Variants in PNMA8A observed in about 807,000 individuals in gnomAD.
PNMA8A encodes paraneoplastic antigen-like protein 8A.
PNMA8A carries 17 observed loss-of-function variants against 26.6 expected under a neutral mutation model. That is an observed-to-expected ratio of 0.64 (90% CI 0.44 to 0.96). PNMA8A has a LOEUF of 0.96. Ranked by LOEUF, PNMA8A falls within the 40% of genes least tolerant of loss-of-function variation. The pLI is 0.00. For synonymous variants in PNMA8A, 224 were observed against 182.0 expected, an observed-to-expected ratio of 1.23 and a Z score of -1.86; for missense variants, 532 against 488.4, an observed-to-expected ratio of 1.09 and a Z score of -0.84.
rs140780731 is a variant in PNMA8A at position 46,468,718 on chromosome 19, C to T, written c.1304-141G>A. 92 of 670,546 alleles carry T rather than the reference C, an allele frequency of 1.4e-4. No individual in the cohort carries two copies. The East Asian group carries it at 2.3e-3, about 17-fold the overall frequency. 41.5% of individuals were successfully genotyped at this position (670,546 alleles called of 1,614,324 possible). On this transcript the variant is annotated intron_variant, in intron 2 of 2. Coordinates refer to ENST00000313683, the MANE Select transcript of PNMA8A (RefSeq NM_018215.4). ...CTAGAAAACTTCACCCTTAAAGCCA[C>T]ATACCCTGCAAACACCATAACTCCA...
At position 46,470,621 on chromosome 19, in the gene PNMA8A, G is replaced by A; in HGVS notation, c.415C>T (p.Gln139Ter). The A allele has an allele frequency of 6.2e-7, 1 of 1,606,414 alleles. No individual in the cohort carries two copies. Among genetic ancestry groups the A allele is most frequent in the Non-Finnish European group, 8.5e-7 (1 of 1,172,926 alleles). The change falls in exon 2 of 3, where the codon CAG becomes TAG. Residue 139 changes from glutamine (Q) to a stop codon, truncating the protein, a stop_gained. Coordinates refer to ENST00000313683, the MANE Select transcript of PNMA8A (RefSeq NM_018215.4). LOFTEE classifies it high-confidence loss of function. ...GCCCAGTTCTCTGGGGGCTGATGCT[G>A]GTTCTGGGACAGGGTGGGGTGGTTG... Reference protein sequence around the residue: ...QLNHPTLSQNQHQPPENWAEA... With the variant: ...QLNHPTLSQN
At chr19:46,469,631 C>T in intron 2 of PNMA8A, 102 bp downstream of exon 2, 1 of 1,328,384 alleles carries the variant, frequency 7.5e-7, no homozygotes, top group East Asian at 2.5e-5. Flanking sequence ...ACCCGCTTGA[C>T]CCACCACCTC....
Position 46,470,239 on chromosome 19 carries a change from T to G in PNMA8A, c.797A>C (p.Asn266Thr), listed in dbSNP as rs138279667. The change falls in exon 2 of 3, where the codon AAC (asparagine) becomes ACC (threonine). Residue 266 changes from asparagine (N) to threonine (T), a missense_variant. Physicochemically the swap from Asn to Thr is moderately conservative, Grantham distance 65. Transcript: ENST00000313683. ...AGGATCCTCCAAGTTAGCTGTGCTGTTGGAATTGATGCCTTTGGGTTTTTT... is the reference window on the plus strand; with the variant it reads ...AGGATCCTCCAAGTTAGCTGTGCTGGTGGAATTGATGCCTTTGGGTTTTTT... ...PWKKPKGINS[N>T]STANLEDPEV... is the part of the protein sequence containing the mutation. 4 of 1,614,018 alleles carry G rather than the reference T, an allele frequency of 2.5e-6. No homozygotes were observed. Among genetic ancestry groups the G allele is most frequent in the Admixed American group, 1.7e-5 (1 of 60,010 alleles).
Position 46,471,130 on chromosome 19 carries a change from G to A in PNMA8A, c.-79-16C>T. On this transcript the variant is annotated splice_polypyrimidine_tract_variant and intron_variant, in intron 1 of 2. Transcript: ENST00000313683. Reference sequence around the variant, plus strand: ...AACAGTAATCCTGCAAGGTGACAAGGGAGCGAGGTCACGTTCCCAGGAAGA... The same window carrying A: ...AACAGTAATCCTGCAAGGTGACAAGAGAGCGAGGTCACGTTCCCAGGAAGA... The A allele has an allele frequency of 1.6e-6, 1 of 639,502 alleles. No homozygotes were observed. The highest frequency in any genetic ancestry group is 2.8e-6 in the Non-Finnish European group (1 of 355,776). The allele number at this position is 639,502 out of a possible 1,614,324, so 39.6% of individuals were successfully genotyped here.
At position 46,470,589 on chromosome 19, in the gene PNMA8A, A is replaced by G. The variant is rs760621598; in HGVS notation, c.447T>C (p.Ala149=). ...QHQPPENWAE[A]LGVLLGAVVQ... ...CCACTGCTCCCAGAAGCACCCCCAG[A>G]GCTTCTGCCCAGTTCTCTGGGGGCT... The change falls in exon 2 of 3, where the codon GCT becomes GCC. Residue 149 remains alanine, a synonymous_variant. Transcript: ENST00000313683. 3.1e-6 allele frequency: 5 copies of G among 1,613,872 alleles called. No homozygotes were observed. The highest frequency in any genetic ancestry group is 8.5e-7 in the Non-Finnish European group (1 of 1,179,858).
Position 46,470,423 on chromosome 19 carries a change from C to A in PNMA8A, c.613G>T (p.Glu205Ter). ...KVKKEPGLAA[E>*]VGSALKAETP... ...TCTGCCTTTAAGGCAGAACCCACCTCTGCTGCAAGCCCCGGTTCTTTCTTC... is the reference window on the plus strand; with the variant it reads ...TCTGCCTTTAAGGCAGAACCCACCTATGCTGCAAGCCCCGGTTCTTTCTTC... Residue 205 changes from glutamate (E) to a stop codon, truncating the protein, a stop_gained, in exon 2 of 3, where the codon GAG becomes TAG. Transcript: ENST00000313683. LOFTEE classifies it high-confidence loss of function. The A allele has an allele frequency of 1.9e-6, 3 of 1,614,108 alleles. No individual in the cohort carries two copies. Among genetic ancestry groups the A allele is most frequent in the Non-Finnish European group, 2.5e-6 (3 of 1,180,040 alleles).
In PNMA8A at chr19:46,469,922, C is replaced by T; in HGVS notation, c.1114G>A (p.Val372Ile). 1 of 1,614,216 alleles carries T rather than the reference C, an allele frequency of 6.2e-7. No individual in the cohort carries two copies. ...TCTGAGTCAACCAAGACGTAGGAGA[C>T]AGGGCCCAAGCTCACCTTCTTCTTC... ...RKKKKVSLGPVSYVLVDSEDG... is the reference protein window; with the variant it reads ...RKKKKVSLGPISYVLVDSEDG... The change falls in exon 2 of 3, where the codon GTC (valine) becomes ATC (isoleucine). Residue 372 changes from valine to isoleucine, a missense_variant. Val to Ile is a conservative substitution (Grantham distance 29). Coordinates refer to ENST00000313683, the MANE Select transcript of PNMA8A (RefSeq NM_018215.4).
rs61737313 is a variant in PNMA8A, at chr19:46,469,773, C to T, written c.1263G>A (p.Pro421=). 2.0e-5 allele frequency: 32 copies of T among 1,612,524 alleles called. No homozygotes were observed. The highest frequency in any genetic ancestry group is 5.5e-5 in the South Asian group (5 of 90,904). ...GAGGAGAGCCTTCTGGCTTGGCCTT[C>T]GGACCCCTAGAGGTTGAGGCTGTTG... ...AEATASTSRG[P]KAKPEGSPRR... Residue 421 remains proline (P), a synonymous_variant, in exon 2 of 3, where the codon CCG becomes CCA. Coordinates refer to ENST00000313683, the MANE Select transcript of PNMA8A (RefSeq NM_018215.4).
chr19:46,469,563 T>C (rs1263306605), intron 2 of PNMA8A, among the ~76,000 whole-genome samples, 170 bp downstream of exon 2: 5 of 152,046 alleles, frequency 3.3e-5, no homozygotes, highest in Non-Finnish European at 1.5e-5. Context: ...TCTGGGCTCT[T>C]ACCCTCCTCA....
Position 46,470,473 on chromosome 19 carries a change from C to G in PNMA8A, c.563G>C (p.Trp188Ser). 1 of 1,613,990 alleles carries G rather than the reference C, an allele frequency of 6.2e-7. No homozygotes were observed. The highest frequency in any genetic ancestry group is 1.1e-5 in the South Asian group (1 of 91,084). Residue 188 changes from tryptophan (W) to serine (S), a missense_variant, in exon 2 of 3, where the codon TGG (tryptophan) becomes TCG (serine). By Grantham distance (177) the Trp-to-Ser change is radical (BLOSUM62 -3). Coordinates refer to ENST00000313683, the MANE Select transcript of PNMA8A (RefSeq NM_018215.4). ...CACCTTCCTCCCTGCTGCTAAAGCC[C>G]AGGCTGCCATCTCCTCGAATTCAGC... ...EAAEFEEMAA[W>S]ALAAGRKVKK...
At chr19:46,468,964 T>C (rs922081956) in intron 2 of PNMA8A, among the ~76,000 whole-genome samples, 1 of 152,180 alleles carries the variant, frequency 6.6e-6, no homozygotes, top group African/African-American at 2.4e-5. Context: ...GCCTCCCCAG[T>C]AGCTGGGATT....
At chr19:46,471,143 G>C in intron 1 of PNMA8A, 29 bp from the exon 2 acceptor site, 2 of 615,260 alleles carry the variant, frequency 3.3e-6, no homozygotes, top group Non-Finnish European at 5.8e-6. Flanking sequence ...GCGAGGTCAC[G>C]TTCCCAGGAA....
In PNMA8A at chr19:46,469,845, C is replaced by T. The variant is rs1324146299; in HGVS notation, c.1191G>A (p.Arg397=). ...GAGGGGCCTTCTGATCTGATGCCTC[C>T]CTTCTTGAGCCTGGCCCTTTCTTTG... The part of the protein sequence containing the change: ...VMPKKGPGSR[R]EASDQKAPRG... The change falls in exon 2 of 3, where the codon AGG becomes AGA. Residue 397 remains arginine, a synonymous_variant. Transcript: ENST00000313683. The T allele has an allele frequency of 2.5e-6, 4 of 1,614,254 alleles. No homozygotes were observed. Among genetic ancestry groups the T allele is most frequent in the African/African-American group, 2.7e-5 (2 of 75,068 alleles).
At position 46,470,682 on chromosome 19, in the gene PNMA8A, C is replaced by T. The variant is rs751054921; in HGVS notation, c.354G>A (p.Gly118=). 1.6e-6 allele frequency: 2 copies of T among 1,227,124 alleles called. No individual in the cohort carries two copies. The highest frequency in any genetic ancestry group is 2.4e-6 in the Non-Finnish European group (2 of 826,450). The allele number at this position is 1,227,124 out of a possible 1,614,324, so 76.0% of individuals were successfully genotyped here. A position where few individuals can be genotyped will look rare whatever the true frequency, so the allele number is the denominator to read the frequency against. The change falls in exon 2 of 3, where the codon GGG becomes GGA. Residue 118 remains glycine, a synonymous_variant. Transcript: ENST00000313683. ...GGCGGACCACATCCTCCCAGGTGCGCCCCTCGGCATCCAGGAATTCATTCA... is the reference window on the plus strand; with the variant it reads ...GGCGGACCACATCCTCCCAGGTGCGTCCCTCGGCATCCAGGAATTCATTCA... ...KNLNEFLDAE[G]RTWEDVVRLL... is the part of the protein sequence containing the mutation.
In PNMA8A at chr19:46,469,877, C is replaced by A; in HGVS notation, c.1159G>T (p.Val387Leu). 6.2e-7 allele frequency: 1 copy of A among 1,614,230 alleles called. No individual in the cohort carries two copies. Among genetic ancestry groups the A allele is most frequent in the Non-Finnish European group, 8.5e-7 (1 of 1,180,044 alleles). Reference protein sequence around the residue: ...VDSEDGRKKPVMPKKGPGSRR... With the variant: ...VDSEDGRKKPLMPKKGPGSRR... ...GAGCCTGGCCCTTTCTTTGGCATCA[C>A]CGGCTTCTTCCTGCCATCTTCTGAG... The change falls in exon 2 of 3, where the codon GTG becomes TTG. Residue 387 changes from valine (V) to leucine (L), a missense_variant. Coordinates refer to ENST00000313683, the MANE Select transcript of PNMA8A (RefSeq NM_018215.4).
At position 46,469,839 on chromosome 19, in the gene PNMA8A, T is replaced by G. The variant is rs375170415; in HGVS notation, c.1197A>C (p.Ala399=). 2.7e-4 allele frequency: 431 copies of G among 1,614,264 alleles called. 6 individuals carry two copies. In the South Asian group the frequency reaches 4.4e-3, roughly 17 times the overall value. ...PKKGPGSRRE[A]SDQKAPRGQQ... ...GGCCCCGAGGGGCCTTCTGATCTGA[T>G]GCCTCCCTTCTTGAGCCTGGCCCTT... The change falls in exon 2 of 3, where the codon GCA becomes GCC. Residue 399 remains alanine (A), a synonymous_variant. Transcript: ENST00000313683.
Position 46,471,133 on chromosome 19 carries a change from G to A in PNMA8A, c.-79-19C>T, listed in dbSNP as rs1969788120. ...AGTAATCCTGCAAGGTGACAAGGGA[G>A]CGAGGTCACGTTCCCAGGAAGATGA... On this transcript the variant is annotated intron_variant, in intron 1 of 2. Coordinates refer to ENST00000313683, the MANE Select transcript of PNMA8A (RefSeq NM_018215.4). 1.6e-6 allele frequency: 1 copy of A among 632,162 alleles called. No individual in the cohort carries two copies. Among genetic ancestry groups the A allele is most frequent in the Non-Finnish European group, 2.8e-6 (1 of 352,264 alleles). The allele number at this position is 632,162 out of a possible 1,614,324, so 39.2% of individuals were successfully genotyped here.
rs1442385244 is a variant in PNMA8A at position 46,471,123 on chromosome 19, T to C, written c.-79-9A>G. The C allele has an allele frequency of 6.1e-6, 4 of 651,006 alleles. No individual in the cohort carries two copies. The highest frequency in any genetic ancestry group is 1.1e-5 in the Non-Finnish European group (4 of 360,948). 40.3% of individuals were successfully genotyped at this position (651,006 alleles called of 1,614,324 possible). On this transcript the variant is annotated splice_polypyrimidine_tract_variant and intron_variant, in intron 1 of 2. Transcript: ENST00000313683. Reference sequence around the variant, plus strand: ...GTCTCCAAACAGTAATCCTGCAAGGTGACAAGGGAGCGAGGTCACGTTCCC... The same window carrying C: ...GTCTCCAAACAGTAATCCTGCAAGGCGACAAGGGAGCGAGGTCACGTTCCC...
At chr19:46,468,657 T>G in intron 2 of PNMA8A, 80 bp from the exon 3 acceptor site, 1 of 1,234,372 alleles carries the variant, frequency 8.1e-7, no homozygotes, top group African/African-American at 1.5e-5. Context: ...AAGAAATTTC[T>G]GGGTCCCTGA....
Sources: allele counts gnomAD v4.1 joint callset (sites outside exome capture counted in the v4.1 genomes callset), GRCh38; gene constraint gnomAD v4.1.1; transcripts MANE v1.5; gene names NCBI Gene and HGNC (gene_info 2026-07-23, HGNC 2026-07-21).